ANKS1B: variants seen among roughly 807,000 people sequenced by gnomAD.
ANKS1B encodes the protein ankyrin repeat and sterile alpha motif domain containing 1B, also known as ankyrin repeat and sterile alpha motif domain-containing protein 1B.
In ANKS1B, 36 loss-of-function variants were observed where a neutral mutation model predicts 148.3. That is an observed-to-expected ratio of 0.24 (90% confidence interval 0.19 to 0.32). ANKS1B has a LOEUF of 0.32. ANKS1B is among the 10% of genes least tolerant of loss of function. The pLI is 1.00. For synonymous variants in ANKS1B, 542 were observed against 560.8 expected, an observed-to-expected ratio of 0.97 and a Z score of 0.47; for missense variants, 1,157 against 1,542.6, an observed-to-expected ratio of 0.75 and a Z score of 4.19.
chr12:98,816,542 T>A (rs2099142642), intron 19 of ANKS1B, among the ~76,000 whole-genome samples: 1 of 152,208 alleles, frequency 6.6e-6, no homozygotes, highest in Non-Finnish European at 1.5e-5. Flanking sequence ...TCCCCTCGCC[T>A]CGGCCTCCCA....
intron 15 of ANKS1B, among the ~76,000 whole-genome samples, chr12:99,092,045 A>T (rs574905920): frequency 6.6e-6 from 1 of 152,320 alleles, no homozygotes; most frequent in South Asian, 2.1e-4. Flanking sequence ...TCTATGGAAG[A>T]GAACTTGGAG....
At chr12:98,846,507 G>A (rs1382330599) in intron 17 of ANKS1B, among the ~76,000 whole-genome samples, 1 of 152,248 alleles carries the variant, frequency 6.6e-6, no homozygotes, top group Non-Finnish European at 1.5e-5. Context: ...TATGTTGAGT[G>A]ACCAGGTTGA....
At chr12:99,879,619 A>G (rs1384423576) in intron 1 of ANKS1B, among the ~76,000 whole-genome samples, 1 of 152,154 alleles carries the variant, frequency 6.6e-6, no homozygotes. Context: ...CCCTCTGCAG[A>G]TAATTAGATT....
intron 17 of ANKS1B, among the ~76,000 whole-genome samples, chr12:98,906,516 A>G (rs916905616): frequency 1.3e-5 from 2 of 152,204 alleles, no homozygotes; most frequent in Non-Finnish European, 2.9e-5. Flanking sequence ...TGATCTGAGG[A>G]GGAGTCCGTG....
intron 14 of ANKS1B, among the ~76,000 whole-genome samples, chr12:99,174,391 A>G (rs2078133701): frequency 6.6e-6 from 1 of 152,224 alleles, no homozygotes; most frequent in African/African-American, 2.4e-5. Flanking sequence ...GCGAGATTAT[A>G]AAATGTATGC....
chr12:99,641,706 TC>T (rs1258633297), intron 9 of ANKS1B, among the ~76,000 whole-genome samples: 1 of 152,172 alleles, frequency 6.6e-6, no homozygotes, highest in Non-Finnish European at 1.5e-5. Context: ...ATCATTGATA[TC>T]AATATCAAAA....
intron 14 of ANKS1B, among the ~76,000 whole-genome samples, chr12:99,161,732 A>G (rs1339355737): frequency 6.6e-6 from 1 of 152,204 alleles, no homozygotes; most frequent in Non-Finnish European, 1.5e-5. Context: ...TCCTTCTCAA[A>G]TTTAATTGGA....
At chr12:99,576,166 A>G (rs530142513) in intron 9 of ANKS1B, among the ~76,000 whole-genome samples, 5 of 152,270 alleles carry the variant, frequency 3.3e-5, no homozygotes, top group Admixed American at 3.3e-4. Flanking sequence ...GCATTACATA[A>G]TGAGAAAGGG....
chr12:99,173,906 T>C (rs1406237949), intron 14 of ANKS1B, among the ~76,000 whole-genome samples: 1 of 152,170 alleles, frequency 6.6e-6, no homozygotes, highest in East Asian at 1.9e-4. Flanking sequence ...GTGCTGTCGG[T>C]GGCTTCTGAG....
intron 17 of ANKS1B, among the ~76,000 whole-genome samples, chr12:99,039,688 G>A (rs1407738824): frequency 6.6e-6 from 1 of 151,216 alleles, no homozygotes; most frequent in Non-Finnish European, 1.5e-5. Flanking sequence ...TTGTTTGTTT[G>A]TTTATTTATT....
chr12:99,018,929 T>C (rs980469180), intron 17 of ANKS1B, among the ~76,000 whole-genome samples: 3 of 152,104 alleles, frequency 2.0e-5, no homozygotes, highest in African/African-American at 7.2e-5. Context: ...GGTAACAGAG[T>C]GAGACTCCAT....
chr12:99,099,817 C>T (rs1338322250), intron 15 of ANKS1B: 1 of 152,014 alleles, frequency 6.6e-6, no homozygotes, highest in Non-Finnish European at 1.5e-5. Context: ...AAACAAAAAA[C>T]ACCATGACAA....
At chr12:99,665,155 C>T (rs529097404) in intron 8 of ANKS1B, among the ~76,000 whole-genome samples, 3 of 152,216 alleles carry the variant, frequency 2.0e-5, no homozygotes, top group South Asian at 4.1e-4. Flanking sequence ...CTAGGTCACA[C>T]GGTAAATGCA....
chr12:98,778,008 C>T (rs1261608080), intron 24 of ANKS1B, among the ~76,000 whole-genome samples: 1 of 152,192 alleles, frequency 6.6e-6, no homozygotes, highest in Non-Finnish European at 1.5e-5. Context: ...TTTAGTCGTT[C>T]TTCACGACCA....
At chr12:99,913,372 T>A (rs867714369) in intron 1 of ANKS1B, among the ~76,000 whole-genome samples, 24 of 152,210 alleles carry the variant, frequency 1.6e-4, no homozygotes, top group Admixed American at 9.2e-4. Context: ...AAAATTTACA[T>A]CAGCATTTCA....
At chr12:99,062,989 G>A (rs570796492) in intron 16 of ANKS1B, among the ~76,000 whole-genome samples, 1 of 152,242 alleles carries the variant, frequency 6.6e-6, no homozygotes, top group South Asian at 2.1e-4. Context: ...ATGCTTGTAC[G>A]TGAAGTACCT....
At chr12:99,648,681 T>C in intron 9 of ANKS1B, 2 of 1,614,156 alleles carry the variant, frequency 1.2e-6, no homozygotes, top group Non-Finnish European at 1.7e-6. Flanking sequence ...GGGAAAACCT[T>C]GTTTACATCC....
chr12:98,901,010 C>T (rs949883790), intron 17 of ANKS1B, among the ~76,000 whole-genome samples: 2 of 152,132 alleles, frequency 1.3e-5, no homozygotes, highest in African/African-American at 2.4e-5. Context: ...TTTGCTTCCA[C>T]TAATATTGCA....
chr12:99,354,084 GAACT>G (rs1379498791), intron 12 of ANKS1B, among the ~76,000 whole-genome samples: 2 of 151,990 alleles, frequency 1.3e-5, no homozygotes, highest in African/African-American at 4.8e-5. Flanking sequence ...AAAATCTTAT[GAACT>G]AACTGGTAAA....
Sources: gnomAD v4.1 joint callset for allele counts (sites outside exome capture counted in the v4.1 genomes callset) on GRCh38, gnomAD v4.1.1 for gene constraint, MANE v1.5 for transcripts, NCBI Gene and HGNC (gene_info 2026-07-23, HGNC 2026-07-21) for gene names.